The following SLC23A2 variants were observed in gnomAD, a reference collection of about 807,000 sequenced individuals.
SLC23A2 encodes the protein solute carrier family 23 member 2.
A neutral mutation model predicts 73.3 loss-of-function variants in SLC23A2; 36 were observed. That is an observed-to-expected ratio of 0.49 (90% confidence interval 0.38 to 0.65). The LOEUF (loss-of-function observed/expected upper bound fraction) is 0.65, where lower values mean the gene tolerates loss of function less well. SLC23A2 is among the 30% of genes least tolerant of loss of function. The pLI, the probability that SLC23A2 is intolerant of heterozygous loss-of-function variation, is 0.00. For missense variants in SLC23A2, 507 were observed against 841.6 expected, an observed-to-expected ratio of 0.60 and a Z score of 4.92; for synonymous variants, 343 against 327.3, an observed-to-expected ratio of 1.05 and a Z score of -0.52.
At chr20:4,925,144 C>G (rs1932627384) in intron 3 of SLC23A2, among the ~76,000 whole-genome samples, 1 of 150,640 alleles carries the variant, frequency 6.6e-6, no homozygotes, top group South Asian at 2.1e-4. Flanking sequence ...GATGATGACA[C>G]TGCACTTCAG....
intron 6 of SLC23A2, among the ~76,000 whole-genome samples, chr20:4,888,431 G>A (rs1931189470): frequency 6.6e-6 from 1 of 152,198 alleles, no homozygotes; most frequent in Non-Finnish European, 1.5e-5. Context: ...GTGGGTTTCT[G>A]CAGCTAGAAA....
At position 4,857,025 on chromosome 20, in the gene SLC23A2, T is replaced by C. The variant is rs760782045; in HGVS notation, c.1900A>G (p.Arg634Gly). 3.7e-5 allele frequency: 59 copies of C among 1,614,210 alleles called. No individual in the cohort carries two copies. The highest frequency in any genetic ancestry group is 4.8e-5 in the Non-Finnish European group (57 of 1,180,026). The change falls in exon 17 of 17, where the codon AGG (arginine) becomes GGG (glycine). Residue 634 changes from arginine (R) to glycine (G), a missense_variant. Arg to Gly is a moderately radical substitution (Grantham distance 125). This residue lies in a region of SLC23A2 where 168 missense variants were observed against 302.3 expected (regional missense o/e 0.56). Coordinates refer to ENST00000338244, the MANE Select transcript of SLC23A2 (RefSeq NM_005116.6). The surrounding 1 kb of genome is among the most constrained non-coding windows in gnomAD (Gnocchi z 4.0). ...TFVGYTWKGL[R>G]KSDNSRSSDE... Reference sequence around the variant, plus strand: ...GAACTCCGGCTGTTGTCGCTCTTCCTGAGGCCTTTCCATGTGTAGCCCACA... The same window carrying C: ...GAACTCCGGCTGTTGTCGCTCTTCCCGAGGCCTTTCCATGTGTAGCCCACA...
chr20:4,974,822 C>G (rs902785247), intron 1 of SLC23A2, among the ~76,000 whole-genome samples: 4 of 152,158 alleles, frequency 2.6e-5, no homozygotes, highest in African/African-American at 4.8e-5. Flanking sequence ...GAGTCTCGCT[C>G]TGTCACCTAG....
At chr20:4,915,939 C>T (rs1029192975) in intron 3 of SLC23A2, among the ~76,000 whole-genome samples, 24 of 152,216 alleles carry the variant, frequency 1.6e-4, no homozygotes, top group African/African-American at 5.5e-4. Flanking sequence ...CAGAGCGAGA[C>T]TCCATCTCAA....
intron 13 of SLC23A2, among the ~76,000 whole-genome samples, chr20:4,866,223 T>C (rs1441195433): frequency 2.0e-5 from 3 of 152,238 alleles, no homozygotes; most frequent in East Asian, 1.9e-4. Context: ...CAGACTGCAT[T>C]GTTCAGAGAA....
At chr20:4,948,164 G>A (rs915492343) in intron 2 of SLC23A2, among the ~76,000 whole-genome samples, 4 of 152,176 alleles carry the variant, frequency 2.6e-5, no homozygotes, top group South Asian at 2.1e-4. Flanking sequence ...GTAACTCAAC[G>A]GACTCACCAG....
chr20:4,906,521 G>C (rs533655479), intron 4 of SLC23A2, among the ~76,000 whole-genome samples: 1 of 152,146 alleles, frequency 6.6e-6, no homozygotes, highest in Non-Finnish European at 1.5e-5. Context: ...TTGGGAGGCT[G>C]AGGCAGGAGA....
chr20:4,977,460 G>C (rs2087660577), intron 1 of SLC23A2, among the ~76,000 whole-genome samples: 1 of 151,836 alleles, frequency 6.6e-6, no homozygotes, highest in African/African-American at 2.4e-5. Context: ...AGGCTGAGGT[G>C]GGCAGATCAC....
intron 2 of SLC23A2, among the ~76,000 whole-genome samples, chr20:4,943,287 C>T (rs2087070965): frequency 6.6e-6 from 1 of 152,088 alleles, no homozygotes; most frequent in Non-Finnish European, 1.5e-5. Flanking sequence ...ACCCACACTT[C>T]TCCAAAAGGA....
chr20:4,953,087 C>T (rs1196839862), intron 2 of SLC23A2, among the ~76,000 whole-genome samples: 2 of 151,782 alleles, frequency 1.3e-5, no homozygotes, highest in African/African-American at 4.8e-5. Context: ...GCAGGCGGAT[C>T]ACAAGGTCAA....
upstream of SLC23A2, among the ~76,000 whole-genome samples, chr20:5,004,388 G>A (rs1443462416): frequency 6.6e-6 from 1 of 152,206 alleles, no homozygotes; most frequent in Non-Finnish European, 1.5e-5. Context: ...CACAGATACT[G>A]ACCCTCACTG....
chr20:4,886,648 C>G (rs1931110152), intron 6 of SLC23A2, among the ~76,000 whole-genome samples: 1 of 152,136 alleles, frequency 6.6e-6, no homozygotes, highest in South Asian at 2.1e-4. Flanking sequence ...TTTAGCTATT[C>G]AAAAAGACTA....
At position 4,874,662 on chromosome 20, in the gene SLC23A2, C is replaced by T. The variant is rs1176732427; in HGVS notation, c.859G>A (p.Ala287Thr). 1.1e-5 allele frequency: 17 copies of T among 1,610,932 alleles called. No homozygotes were observed. The highest frequency in any genetic ancestry group is 1.7e-5 in the Admixed American group (1 of 59,740). ...GGGAGAGGAAATTTAACATTTCTGG[C>T]GTATTGAGAAAACAGTAATACTAGG... ...IFLVLLFSQY[A>T]RNVKFPLPIY... The change falls in exon 10 of 17, where the codon GCC becomes ACC. Residue 287 changes from alanine to threonine, a missense_variant. Transcript: ENST00000338244.
At chr20:4,974,900 G>A (rs1479241757) in intron 1 of SLC23A2, among the ~76,000 whole-genome samples, 1 of 152,174 alleles carries the variant, frequency 6.6e-6, no homozygotes, top group Non-Finnish European at 1.5e-5. Context: ...CGATTCTCCT[G>A]CCTCAGCCTC....
intron 2 of SLC23A2, among the ~76,000 whole-genome samples, chr20:4,950,500 T>A (rs1477165104): frequency 2.6e-5 from 4 of 152,208 alleles, no homozygotes; most frequent in Non-Finnish European, 5.9e-5. Context: ...CACTGATTCC[T>A]ACTGAACAGT....
chr20:5,008,700 C>A (rs928130779), intron 1 of SLC23A2, among the ~76,000 whole-genome samples: 2 of 152,140 alleles, frequency 1.3e-5, no homozygotes, highest in Non-Finnish European at 2.9e-5. Flanking sequence ...TACTGAAGAC[C>A]CCTCCTTTGG....
At chr20:4,929,961 C>A (rs1932768617) in intron 3 of SLC23A2, among the ~76,000 whole-genome samples, 1 of 152,112 alleles carries the variant, frequency 6.6e-6, no homozygotes, top group African/African-American at 2.4e-5. Flanking sequence ...AAGATGGTGA[C>A]CATCCACAGA....
chr20:4,910,622 G>A (rs1029811479), intron 4 of SLC23A2, among the ~76,000 whole-genome samples: 10 of 152,094 alleles, frequency 6.6e-5, no homozygotes, highest in African/African-American at 2.4e-4. Context: ...CTTTAGTAGA[G>A]ACGGGGTTTC....
chr20:4,923,030 C>T (rs1409371172), intron 3 of SLC23A2, among the ~76,000 whole-genome samples: 1 of 152,110 alleles, frequency 6.6e-6, no homozygotes, highest in African/African-American at 2.4e-5. Context: ...ACTACCAAAA[C>T]TCTGTTCAAA....
Sources: gnomAD v4.1 joint callset for allele counts (sites outside exome capture counted in the v4.1 genomes callset) on GRCh38, gnomAD v4.1.1 for gene constraint, gnomAD v4.1.1 regional missense constraint, Gnocchi (gnomAD v3.1) non-coding constraint, MANE v1.5 for transcripts, NCBI Gene and HGNC (gene_info 2026-07-23, HGNC 2026-07-21) for gene names.